BAZ2B: variants seen among roughly 807,000 people sequenced by gnomAD.
BAZ2B encodes bromodomain adjacent to zinc finger domain protein 2B.
BAZ2B carries 91 observed loss-of-function variants against 246.0 expected under a neutral mutation model. That is an observed-to-expected ratio of 0.37 (90% CI 0.31 to 0.44). The LOEUF (loss-of-function observed/expected upper bound fraction) is 0.44. Ranked by LOEUF, BAZ2B falls within the 20% of genes least tolerant of loss-of-function variation. BAZ2B has a pLI of 1.00. For synonymous variants in BAZ2B, 855 were observed against 860.0 expected, an observed-to-expected ratio of 0.99 and a Z score of 0.10; for missense variants, 2,332 against 2,533.7, an observed-to-expected ratio of 0.92 and a Z score of 1.71.
intron 3 of BAZ2B, among the ~76,000 whole-genome samples, chr2:159,474,588 A>G (rs1043622394): frequency 2.0e-5 from 3 of 152,160 alleles, no homozygotes; most frequent in Non-Finnish European, 4.4e-5. Context: ...TGTGAATTTC[A>G]TCCTGTCATT....
chr2:159,711,892 T>C, the BAZ2B span: 1 of 152,146 alleles, frequency 6.6e-6, no homozygotes. Flanking sequence ...TTAAAAGACA[T>C]GATCACCATC....
rs541861117 is a variant in BAZ2B, at chr2:159,543,244, T to C, written c.-3+12579A>G. Among the ~76,000 whole-genome samples, 34 of 152,280 alleles carry C rather than the reference T, an allele frequency of 2.2e-4. No homozygotes were observed. In the East Asian group the frequency reaches 5.4e-3, roughly 24 times the overall value. ...ATTTCTGTGAAACAAACACTGACTA[T>C]TGAGGAGGTATGATACAATAATAAT... On this transcript the variant is annotated intron_variant, in intron 2 of 36. Coordinates refer to ENST00000392783, the MANE Select transcript of BAZ2B (RefSeq NM_013450.4).
At chr2:159,695,520 A>G in the BAZ2B span, 1 of 152,094 alleles carries the variant, frequency 6.6e-6, no homozygotes, top group Admixed American at 6.6e-5. Flanking sequence ...TAGTACTTAA[A>G]GTTAGATCTT....
intron 8 of BAZ2B, 112 bp from the exon 9 acceptor site, chr2:159,433,475 T>C: frequency 1.0e-6 from 1 of 985,666 alleles, no homozygotes; most frequent in Non-Finnish European, 1.4e-6. Context: ...ATATATAAAT[T>C]TAAATCATGA....
At chr2:159,538,840 G>A (rs1268577046) in intron 2 of BAZ2B, among the ~76,000 whole-genome samples, 2 of 152,136 alleles carry the variant, frequency 1.3e-5, no homozygotes, top group Non-Finnish European at 2.9e-5. Flanking sequence ...AAAGGGATGA[G>A]GGAAAAAGGA....
intron 1 of BAZ2B, among the ~76,000 whole-genome samples, chr2:159,610,401 T>C (rs1020136898): frequency 1.3e-5 from 2 of 152,210 alleles, no homozygotes; most frequent in Non-Finnish European, 2.9e-5. Flanking sequence ...CACCGTTCTT[T>C]ACACCAAACT....
At chr2:159,327,336 A>T (rs982700298) in intron 34 of BAZ2B, among the ~76,000 whole-genome samples, 3 of 152,228 alleles carry the variant, frequency 2.0e-5, no homozygotes, top group Non-Finnish European at 2.9e-5. Context: ...GCTCTTAAGC[A>T]GTTAAAATTA....
intron 1 of BAZ2B, among the ~76,000 whole-genome samples, chr2:159,595,531 A>G (rs559823678): frequency 4.6e-5 from 7 of 152,318 alleles, no homozygotes; most frequent in Middle Eastern, 6.8e-3. Context: ...CATGAATTCT[A>G]CTAGTCTGCT....
chr2:159,539,629 G>C (rs1436930079), intron 2 of BAZ2B, among the ~76,000 whole-genome samples: 2 of 152,076 alleles, frequency 1.3e-5, no homozygotes, highest in Non-Finnish European at 2.9e-5. Context: ...CCCAGCACTT[G>C]GAGTCAAAGG....
In BAZ2B at chr2:159,323,145, C is replaced by G. The variant is rs151230663; in HGVS notation, c.6353+1666G>C. Among the ~76,000 whole-genome samples, 75 of 151,936 alleles carry G rather than the reference C, an allele frequency of 4.9e-4. 1 individual carries two copies. In the East Asian group the frequency reaches 0.014, roughly 28 times the overall value. ...GACTACAGGCATACACCACCATGCC[C>G]AGCTAATTTTTGTACTTTTAGTAGA... On this transcript the variant is annotated intron_variant, in intron 36 of 36. Coordinates refer to ENST00000392783, the MANE Select transcript of BAZ2B (RefSeq NM_013450.4).
chr2:159,394,833 C>T (rs988009955), intron 20 of BAZ2B, among the ~76,000 whole-genome samples: 2 of 152,026 alleles, frequency 1.3e-5, no homozygotes, highest in Non-Finnish European at 2.9e-5. Flanking sequence ...AAATAACATG[C>T]CCAAGGTCAT....
rs556796481 is a variant in BAZ2B at position 159,458,205 on chromosome 2, T to G, written c.146-4404A>C. ...TTGTATTTTCAGTAGAGACAGGGTT[T>G]CACCACGTTGGCCAGGCTGGTCTCA... On this transcript the variant is annotated intron_variant, in intron 3 of 36. Transcript: ENST00000392783. 1.7e-4 allele frequency: 26 copies of G among 152,448 alleles called. 1 individual carries two copies. The highest frequency in any genetic ancestry group is 6.0e-4 in the African/African-American group (25 of 41,530). The allele number at this position is 152,448 out of a possible 1,614,324, so 9.4% of individuals were successfully genotyped here.
Position 159,613,011 on chromosome 2 carries a change from C to T in BAZ2B, c.-46+3231G>A, listed in dbSNP as rs1033605523. Among the ~76,000 whole-genome samples the T allele has an allele frequency of 3.3e-5, 5 of 152,252 alleles. No individual in the cohort carries two copies. In the South Asian group the frequency reaches 6.2e-4, roughly 19 times the overall value. ...TTTCTACCAAGTTGAATACTTTAAGCTATTCCCAATTTTTTGAAAATGCTA... is the reference window on the plus strand; with the variant it reads ...TTTCTACCAAGTTGAATACTTTAAGTTATTCCCAATTTTTTGAAAATGCTA... On this transcript the variant is annotated intron_variant, in intron 1 of 36. Transcript: ENST00000392783.
At chr2:159,451,956 T>C (rs562246073) in intron 4 of BAZ2B, among the ~76,000 whole-genome samples, 1 of 152,300 alleles carries the variant, frequency 6.6e-6, no homozygotes, top group South Asian at 2.1e-4. Context: ...TCACTATCTA[T>C]ATTGTTTTTA....
At chr2:159,525,886 C>T (rs142926294) in intron 2 of BAZ2B, among the ~76,000 whole-genome samples, 228 of 152,256 alleles carry the variant, frequency 1.5e-3, no homozygotes, top group Non-Finnish European at 2.6e-3. Context: ...GATTTTAATG[C>T]TGCAAACAAT....
chr2:159,358,890 A>G (rs1290295680), intron 27 of BAZ2B, among the ~76,000 whole-genome samples: 1 of 152,206 alleles, frequency 6.6e-6, no homozygotes. Flanking sequence ...GAAGGCAGAA[A>G]TAAATAAGTT....
At chr2:159,639,959 C>A in the BAZ2B span, among the ~76,000 whole-genome samples, 1 of 151,758 alleles carries the variant, frequency 6.6e-6, no homozygotes, top group Non-Finnish European at 1.5e-5. Context: ...CTATAGGAAA[C>A]ACACTTCACC....
chr2:159,414,745 A>T (rs191568777), intron 13 of BAZ2B, among the ~76,000 whole-genome samples: 215 of 151,598 alleles, frequency 1.4e-3, no homozygotes, highest in Non-Finnish European at 2.4e-3. Flanking sequence ...TGAACTCGGG[A>T]GGCGGAGGTT....
chr2:159,616,011 C>G (rs1696009324), intron 1 of BAZ2B: 1 of 152,316 alleles, frequency 6.6e-6, no homozygotes, highest in South Asian at 2.1e-4. Flanking sequence ...CACTCGGGAC[C>G]CCGAGAACCA....
Sources: allele counts gnomAD v4.1 joint callset (sites outside exome capture counted in the v4.1 genomes callset), GRCh38; gene constraint gnomAD v4.1.1; transcripts MANE v1.5; gene names NCBI Gene and HGNC (gene_info 2026-07-23, HGNC 2026-07-21).